Variants in TNKS1BP1 observed in about 807,000 individuals in gnomAD.
TNKS1BP1 encodes the protein CCR4-NOT transcription complex subunit 12.
Under a neutral mutation model 141.1 loss-of-function variants are expected in TNKS1BP1, and 48 were observed. The ratio of observed to expected loss-of-function variants is 0.34; its 90% confidence interval spans 0.27 to 0.43. The LOEUF is 0.43. Ranked by LOEUF, TNKS1BP1 falls within the 20% of genes least tolerant of loss-of-function variation. The pLI is 1.00. For synonymous variants in TNKS1BP1, 875 were observed against 898.2 expected (o/e 0.97, Z 0.46); for missense variants, 2,149 against 2,226.0 (o/e 0.97, Z 0.70).
chr11:57,309,992 G>A lies in TNKS1BP1; in HGVS notation c.2719C>T (p.Gln907Ter). 2 of 1,613,946 alleles carry A rather than the reference G, an allele frequency of 1.2e-6. No homozygotes were observed. The highest frequency in any genetic ancestry group is 1.7e-6 in the Non-Finnish European group (2 of 1,179,914). ...TGGTGGTCCCTCTTCCCCAAATCTT[G>A]GCCCTGCTCGTTGGCATCTTGGCTG... Reference protein sequence around the residue: ...YASQDANEQGQDLGKRDHHGR... With the variant: ...YASQDANEQG Residue 907 changes from glutamine to a stop codon, truncating the protein, a stop_gained, in exon 6 of 12, where the codon CAA (glutamine) becomes TAA (stop). Transcript: ENST00000358252. LOFTEE classifies it high-confidence loss of function. The surrounding 1 kb of genome is among the most constrained non-coding windows in gnomAD (Gnocchi z 4.3).
chr11:57,310,429 G>A lies in TNKS1BP1; in HGVS notation c.2282C>T (p.Ala761Val), dbSNP rs758076656. ...GASQDYGLGGASPRGDPGLGE... is the reference protein window; with the variant it reads ...GASQDYGLGGVSPRGDPGLGE... ...GAGACCTGGGTCTCCTCTAGGGCTT[G>A]CACCCCCAAGGCCATAGTCCTGAGA... The change falls in exon 6 of 12, where the codon GCA (alanine) becomes GTA (valine). Residue 761 changes from alanine (A) to valine (V), a missense_variant. By Grantham distance (64) the Ala-to-Val change is moderately conservative. Coordinates refer to ENST00000358252, the MANE Select transcript of TNKS1BP1 (RefSeq NM_033396.3). The A allele has an allele frequency of 3.7e-5, 59 of 1,613,726 alleles. No individual in the cohort carries two copies. In the Admixed American group the frequency reaches 8.0e-4, roughly 22 times the overall value.
chr11:57,322,352 A>G, intron 1 of TNKS1BP1: 3 of 984,626 alleles, frequency 3.0e-6, no homozygotes, highest in Non-Finnish European at 3.6e-6. Flanking sequence ...GGAGACGGGA[A>G]AAACCCGCTC....
intron 4 of TNKS1BP1, among the ~76,000 whole-genome samples, chr11:57,315,704 T>C (rs2134367909): frequency 6.7e-6 from 1 of 150,266 alleles, no homozygotes; most frequent in Non-Finnish European, 1.5e-5. Context: ...TTGCTTCCTG[T>C]TCCCTGAGAA....
intron 3 of TNKS1BP1, 57 bp downstream of exon 3, chr11:57,320,022 A>AACCCCCC: frequency 6.3e-6 from 7 of 1,118,680 alleles, no homozygotes; most frequent in East Asian, 3.1e-5. Flanking sequence ...CCCCCACCCA[A>AACCCCCC]TCCCACCCCA....
rs141541054 is a variant in TNKS1BP1, at chr11:57,304,095, C to A, written c.4317-1270G>T. Among the ~76,000 whole-genome samples the A allele has an allele frequency of 1.2e-3, 176 of 152,238 alleles. 2 individuals are homozygous for A. In the South Asian group the frequency reaches 0.019, roughly 17 times the overall value. On this transcript the variant is annotated intron_variant, in intron 6 of 11. Coordinates refer to ENST00000358252, the MANE Select transcript of TNKS1BP1 (RefSeq NM_033396.3). ...AGGCACGGCACAGAGCCACACCTGA[C>A]ACAAACACACGCATCCCCGCATCCC...
Position 57,313,153 on chromosome 11 carries a change from G to T in TNKS1BP1, c.1535C>A (p.Ala512Asp). The change falls in exon 5 of 12, where the codon GCT (alanine) becomes GAT (aspartate). Residue 512 changes from alanine to aspartate, a missense_variant. By Grantham distance (126) the Ala-to-Asp change is moderately radical (BLOSUM62 -2). Transcript: ENST00000358252. ...EASEAAEAAE[A>D]GNLAVSSREE... is the part of the protein sequence containing the mutation. The stretch of plus-strand genomic sequence containing the variant: ...CCTGCTGGAAACGGCCAAGTTGCCA[G>T]CCTCAGCAGCCTCGGCGGCCTCACT... 1 of 1,613,012 alleles carries T rather than the reference G, an allele frequency of 6.2e-7. No individual in the cohort carries two copies. Among genetic ancestry groups the T allele is most frequent in the Non-Finnish European group, 8.5e-7 (1 of 1,180,030 alleles).
rs1855545763 is a variant in TNKS1BP1 at position 57,302,701 on chromosome 11, G to T, written c.4441C>A (p.Leu1481Met). The change falls in exon 7 of 12, where the codon CTG becomes ATG. Residue 1481 changes from leucine to methionine, a missense_variant. By Grantham distance (15) the Leu-to-Met change is conservative. Coordinates refer to ENST00000358252, the MANE Select transcript of TNKS1BP1 (RefSeq NM_033396.3). The surrounding 1 kb of genome is among the most constrained non-coding windows in gnomAD (Gnocchi z 5.5). ...GCCCCGGCTCCTTCCTCCTCCAACA[G>T]GCCCCCAAGGCCCGAGGCCGCTGAC... ...RESAASGLGG[L>M]LEEEGAGAGA... 3.1e-6 allele frequency: 5 copies of T among 1,603,348 alleles called. No homozygotes were observed. The Admixed American group carries it at 6.7e-5, about 22-fold the overall frequency.
chr11:57,322,939 A>C (rs971474855), intron 1 of TNKS1BP1, among the ~76,000 whole-genome samples: 3 of 152,200 alleles, frequency 2.0e-5, no homozygotes, highest in African/African-American at 7.2e-5. Context: ...TGGTGGTAGA[A>C]GCCTGTCACA....
intron 6 of TNKS1BP1, among the ~76,000 whole-genome samples, chr11:57,306,326 T>TACATCAGA (rs1326876357): frequency 6.6e-6 from 1 of 151,970 alleles, no homozygotes; most frequent in African/African-American, 2.4e-5. Context: ...AGAATTTCCC[T>TACATCAGA]ACATCAGAAT....
At position 57,313,753 on chromosome 11, in the gene TNKS1BP1, G is replaced by A; in HGVS notation, c.935C>T (p.Pro312Leu). 6.2e-7 allele frequency: 1 copy of A among 1,602,230 alleles called. No individual in the cohort carries two copies. Among genetic ancestry groups the A allele is most frequent in the African/African-American group, 1.3e-5 (1 of 74,892 alleles). Residue 312 changes from proline (P) to leucine (L), a missense_variant, in exon 5 of 12, where the codon CCC (proline) becomes CTC (leucine). By Grantham distance (98) the Pro-to-Leu change is moderately conservative. Coordinates refer to ENST00000358252, the MANE Select transcript of TNKS1BP1 (RefSeq NM_033396.3). ...PHLHPPDKSS[P>L]CHSQLLEAQT... is the part of the protein sequence containing the mutation. ...GGCTTCCAGAAGCTGTGAGTGGCAGGGAGAACTCTTATCAGGCGGGTGAAG... is the reference window on the plus strand; with the variant it reads ...GGCTTCCAGAAGCTGTGAGTGGCAGAGAGAACTCTTATCAGGCGGGTGAAG...
At chr11:57,311,083 C>T (rs1188592709) in intron 5 of TNKS1BP1, among the ~76,000 whole-genome samples, 2 of 152,190 alleles carry the variant, frequency 1.3e-5, no homozygotes, top group Non-Finnish European at 2.9e-5. Context: ...GCCCTTCTTC[C>T]CCAGCCAAAG....
At position 57,321,805 on chromosome 11, in the gene TNKS1BP1, A is replaced by G; in HGVS notation, c.81T>C (p.Thr27=). ...PREMEEELVP[T]GSEPGDTRAK... is the part of the protein sequence containing the mutation. ...ACCCATTGGTACCTGGCTCAGAGCC[A>G]GTAGGCACCAGCTCCTCCTCCATCT... is the stretch of plus-strand genomic sequence containing the variant. The change falls in exon 2 of 12, where the codon ACT becomes ACC. Residue 27 remains threonine, a synonymous_variant. Transcript: ENST00000358252. 6.4e-7 allele frequency: 1 copy of G among 1,554,388 alleles called. No individual in the cohort carries two copies. Among genetic ancestry groups the G allele is most frequent in the Non-Finnish European group, 8.7e-7 (1 of 1,145,442 alleles).
rs759471220 is a variant in TNKS1BP1 at position 57,313,431 on chromosome 11, G to T, written c.1257C>A (p.Arg419=). Residue 419 remains arginine (R), a synonymous_variant, in exon 5 of 12, where the codon CGC becomes CGA. Transcript: ENST00000358252. ...EEEAKGDAHL[R]PTSLVQRRFS... ...ATCGGCGCTGAACCAGGCTGGTGGG[G>T]CGGAGGTGTGCGTCACCCTTGGCCT... 4 of 1,608,764 alleles carry T rather than the reference G, an allele frequency of 2.5e-6. No homozygotes were observed. The highest frequency in any genetic ancestry group is 2.7e-5 in the African/African-American group (2 of 74,882).
At chr11:57,301,767 C>T in intron 9 of TNKS1BP1, 40 bp downstream of exon 9, 1 of 1,591,378 alleles carries the variant, frequency 6.3e-7, no homozygotes, top group African/African-American at 1.3e-5. Flanking sequence ...GGCCACCTGG[C>T]CAGATGGCTG....
intron 1 of TNKS1BP1, 122 bp downstream of exon 1, chr11:57,324,718 C>T: frequency 1.1e-6 from 1 of 932,506 alleles, no homozygotes; most frequent in Non-Finnish European, 1.3e-6. Flanking sequence ...CCTGGTGACC[C>T]CCCGACCACC....
intron 6 of TNKS1BP1, among the ~76,000 whole-genome samples, chr11:57,308,106 A>C (rs1015890429): frequency 3.9e-5 from 6 of 152,216 alleles, no homozygotes; most frequent in African/African-American, 1.4e-4. Flanking sequence ...CCAAGCTATG[A>C]CATGCACCAT....
At chr11:57,315,799 A>T (rs557305250) in intron 4 of TNKS1BP1, among the ~76,000 whole-genome samples, 2 of 150,800 alleles carry the variant, frequency 1.3e-5, no homozygotes, top group African/African-American at 4.9e-5. Flanking sequence ...TGGGAGCCCA[A>T]GCACTCTGCC....
intron 2 of TNKS1BP1, 48 bp downstream of exon 2, chr11:57,321,744 T>TGCCC: frequency 2.9e-6 from 3 of 1,039,816 alleles, no homozygotes; most frequent in African/African-American, 1.6e-5. Context: ...CCTCTGTCCT[T>TGCCC]CCCACCCCCC....
chr11:57,322,314 A>T, intron 1 of TNKS1BP1: 2 of 993,924 alleles, frequency 2.0e-6, no homozygotes, highest in Non-Finnish European at 2.4e-6. Flanking sequence ...GCTGCAAAGT[A>T]TGAAGTCTGT....
Sources: gnomAD v4.1 joint callset for allele counts (sites outside exome capture counted in the v4.1 genomes callset) on GRCh38, gnomAD v4.1.1 for gene constraint, Gnocchi (gnomAD v3.1) non-coding constraint, MANE v1.5 for transcripts, NCBI Gene and HGNC (gene_info 2026-07-23, HGNC 2026-07-21) for gene names.